The following CDH23 variants were observed in gnomAD, a reference collection of about 807,000 sequenced individuals.
The protein encoded by CDH23 is cadherin related 23.
CDH23 carries 189 observed loss-of-function variants against 317.1 expected under a neutral mutation model. The observed-to-expected ratio is 0.60, with a 90% CI of 0.53 to 0.67. The LOEUF (loss-of-function observed/expected upper bound fraction) is 0.67, where lower values mean the gene tolerates loss of function less well. Among genes scored for constraint, CDH23 ranks in the 30% least tolerant of loss-of-function variants. CDH23 has a pLI of 0.00. For missense variants in CDH23, 4,401 were observed against 4,592.4 expected (o/e 0.96, Z 1.20); for synonymous variants, 1,839 against 1,876.8 (o/e 0.98, Z 0.52).
intron 1 of CDH23, among the ~76,000 whole-genome samples, chr10:71,408,159 T>C (rs866708426): frequency 6.6e-6 from 1 of 152,206 alleles, no homozygotes; most frequent in African/African-American, 2.4e-5. Flanking sequence ...TAACTCTTTA[T>C]GCTCACTCTT....
At chr10:71,780,923 G>A (rs975422754) in intron 41 of CDH23, among the ~76,000 whole-genome samples, 1 of 152,186 alleles carries the variant, frequency 6.6e-6, no homozygotes, top group African/African-American at 2.4e-5. Flanking sequence ...TGTGCTAACT[G>A]ATTGGCTGTG....
chr10:71,558,454 T>A (rs965709378), intron 6 of CDH23, among the ~76,000 whole-genome samples: 2 of 152,248 alleles, frequency 1.3e-5, no homozygotes, highest in Non-Finnish European at 2.9e-5. Context: ...CTCTTAAGTT[T>A]TTAAATTTCT....
Position 71,778,225 on chromosome 10 carries a change from A to ATCAGCCACGGCCGCTACAAAG in CDH23, c.5122_5123insAAGTCAGCCACGGCCGCTACA (p.Tyr1707_Thr1708insLysValSerHisGlyArgTyr). On this transcript the variant is annotated inframe_insertion, in exon 40 of 70. Coordinates refer to ENST00000224721, the MANE Select transcript of CDH23 (RefSeq NM_022124.6). ...TGCTGCCAAAGAGCTGGACTACGAG[A>ATCAGCCACGGCCGCTACAAAG]TCAGCCACGGCCGCTACACCCTGAT... 1 of 1,613,678 alleles carries ATCAGCCACGGCCGCTACAAAG rather than the reference A, an allele frequency of 6.2e-7. No individual in the cohort carries two copies.
intron 3 of CDH23, among the ~76,000 whole-genome samples, chr10:71,449,149 G>C (rs527445730): frequency 6.6e-6 from 1 of 152,350 alleles, no homozygotes; most frequent in East Asian, 1.9e-4. Flanking sequence ...GTGTGGCCCA[G>C]GGATGGCAGA....
chr10:71,472,418 C>A (rs1372895621), intron 3 of CDH23, among the ~76,000 whole-genome samples: 1 of 152,232 alleles, frequency 6.6e-6, no homozygotes, highest in Non-Finnish European at 1.5e-5. Flanking sequence ...GCTCCTCTAT[C>A]ACCCGTGTGA....
intron 1 of CDH23, among the ~76,000 whole-genome samples, chr10:71,404,672 G>A (rs931065132): frequency 5.3e-5 from 8 of 152,214 alleles, no homozygotes; most frequent in Admixed American, 3.3e-4. Flanking sequence ...TGAGGAGGGC[G>A]GGCATGCCTT....
intron 38 of CDH23, among the ~76,000 whole-genome samples, chr10:71,777,361 A>G (rs1840837634): frequency 6.6e-6 from 1 of 152,056 alleles, no homozygotes; most frequent in African/African-American, 2.4e-5. Context: ...TAATCACTAG[A>G]CCACTGTGCT....
At chr10:71,521,636 G>C (rs1474206996) in intron 6 of CDH23, among the ~76,000 whole-genome samples, 1 of 152,168 alleles carries the variant, frequency 6.6e-6, no homozygotes, top group East Asian at 1.9e-4. Context: ...ACCATCCCGT[G>C]GGAGAGGGTA....
chr10:71,500,799 CTTTTCT>C (rs1173813910), intron 3 of CDH23, among the ~76,000 whole-genome samples: 1 of 145,160 alleles, frequency 6.9e-6, no homozygotes, highest in Non-Finnish European at 1.5e-5. Context: ...CTTTTCTTTT[CTTTTCT>C]TTTCTTTTCT....
At chr10:71,465,013 C>T (rs1404467179) in intron 3 of CDH23, among the ~76,000 whole-genome samples, 1 of 152,200 alleles carries the variant, frequency 6.6e-6, no homozygotes, top group East Asian at 1.9e-4. Context: ...GATTCTATCT[C>T]CACTTATTTC....
chr10:71,624,681 C>A (rs559860717), intron 11 of CDH23, among the ~76,000 whole-genome samples: 35 of 152,068 alleles, frequency 2.3e-4, no homozygotes, highest in Non-Finnish European at 4.3e-4. Context: ...GCCTGGGTGA[C>A]AGAGAGAGAA....
chr10:71,517,740 A>G (rs1480853644), intron 6 of CDH23, among the ~76,000 whole-genome samples: 1 of 152,170 alleles, frequency 6.6e-6, no homozygotes, highest in Non-Finnish European at 1.5e-5. Flanking sequence ...CCATGCACCT[A>G]TTGATCTGGG....
intron 38 of CDH23, among the ~76,000 whole-genome samples, chr10:71,764,821 C>T (rs1840491899): frequency 6.6e-6 from 1 of 152,176 alleles, no homozygotes; most frequent in African/African-American, 2.4e-5. Flanking sequence ...CAAATCTGAC[C>T]CACAGACTCA....
chr10:71,814,302 C>A (rs1842044690), intron 69 of CDH23, among the ~76,000 whole-genome samples: 1 of 152,254 alleles, frequency 6.6e-6, no homozygotes, highest in Non-Finnish European at 1.5e-5. Context: ...ATAGTCCCAG[C>A]TACTCAGGAA....
intron 44 of CDH23, 111 bp downstream of exon 44, chr10:71,785,849 G>C (rs1841091737): frequency 2.7e-6 from 2 of 750,380 alleles, no homozygotes; most frequent in Admixed American, 2.0e-5. Context: ...CACAGGCTTT[G>C]GAGTGAGCAC....
intron 11 of CDH23, among the ~76,000 whole-genome samples, chr10:71,629,849 C>A (rs1033765222): frequency 8.6e-5 from 13 of 151,992 alleles, no homozygotes; most frequent in Admixed American, 8.5e-4. Context: ...GCTTAATGGG[C>A]ACAAAGCTTC....
intron 9 of CDH23, among the ~76,000 whole-genome samples, chr10:71,580,021 T>C (rs2132408148): frequency 6.6e-6 from 1 of 152,246 alleles, no homozygotes; most frequent in East Asian, 1.9e-4. Context: ...AGGACTTGGT[T>C]CAAGGTCATG....
chr10:71,813,624 C>T (rs748783967), intron 69 of CDH23, among the ~76,000 whole-genome samples: 2 of 152,120 alleles, frequency 1.3e-5, no homozygotes, highest in African/African-American at 2.4e-5. Context: ...TTAAGAAACC[C>T]GGCTGGGTGC....
intron 9 of CDH23, among the ~76,000 whole-genome samples, chr10:71,602,074 T>C (rs1399872776): frequency 1.3e-5 from 2 of 152,192 alleles, no homozygotes; most frequent in Non-Finnish European, 2.9e-5. Context: ...GCTGGCTCCC[T>C]GAACCTCGTC....
Sources: gnomAD v4.1 joint callset for allele counts (sites outside exome capture counted in the v4.1 genomes callset) on GRCh38, gnomAD v4.1.1 for gene constraint, MANE v1.5 for transcripts, NCBI Gene and HGNC (gene_info 2026-07-23, HGNC 2026-07-21) for gene names.